The following PDE11A variants were observed in gnomAD, a reference collection of about 807,000 sequenced individuals.
The protein encoded by PDE11A is dual 3',5'-cyclic-AMP and -GMP phosphodiesterase 11A.
PDE11A carries 100 observed loss-of-function variants against 100.5 expected under a neutral mutation model. The observed-to-expected ratio is 1.00, with a 90% CI of 0.85 to 1.18. PDE11A has a LOEUF of 1.18. Ranked by LOEUF, PDE11A falls within the 50% of genes most tolerant of loss-of-function variation. PDE11A has a pLI of 0.00. For synonymous variants in PDE11A, 381 were observed against 420.8 expected (o/e 0.91, Z 1.16); for missense variants, 1,141 against 1,152.6 (o/e 0.99, Z 0.15).
chr2:177,854,855 T>C (rs1282601421), intron 5 of PDE11A, among the ~76,000 whole-genome samples: 1 of 152,102 alleles, frequency 6.6e-6, no homozygotes, highest in Non-Finnish European at 1.5e-5. Flanking sequence ...TCTAAGGTTA[T>C]CTGGATCACT....
chr2:177,662,727 T>C lies in PDE11A; in HGVS notation c.2646+1139A>G, dbSNP rs527425287. Among the ~76,000 whole-genome samples the C allele has an allele frequency of 7.9e-5, 12 of 152,360 alleles. No individual in the cohort carries two copies. The East Asian group carries it at 1.5e-3, about 20-fold the overall frequency. On this transcript the variant is annotated intron_variant, in intron 19 of 19. Transcript: ENST00000286063. ...AGCAGTTGTAGATTATTTTAAAACT[T>C]TACCTGATTTTATGGTATCATGTAT...
At chr2:177,869,409 C>T (rs968901958) in intron 5 of PDE11A, among the ~76,000 whole-genome samples, 1 of 152,188 alleles carries the variant, frequency 6.6e-6, no homozygotes, top group African/African-American at 2.4e-5. Flanking sequence ...GTTTCCTTGA[C>T]ATTTGGCCCT....
chr2:178,066,510 T>C (rs2087046272), intron 1 of PDE11A, among the ~76,000 whole-genome samples: 1 of 152,180 alleles, frequency 6.6e-6, no homozygotes, highest in African/African-American at 2.4e-5. Context: ...TGCCCAGGAC[T>C]GGTTTTTGGC....
chr2:177,678,376 A>G (rs1234542814), intron 16 of PDE11A, among the ~76,000 whole-genome samples: 2 of 152,196 alleles, frequency 1.3e-5, no homozygotes, highest in African/African-American at 4.8e-5. Flanking sequence ...ATTAACTTAC[A>G]TTACGTGTGC....
At chr2:177,654,294 C>G (rs2080349908) in intron 19 of PDE11A, among the ~76,000 whole-genome samples, 1 of 152,134 alleles carries the variant, frequency 6.6e-6, no homozygotes, top group Admixed American at 6.6e-5. Context: ...CCAAGGTGGG[C>G]AGATCACTTT....
chr2:178,072,985 G>A, upstream of PDE11A: 1 of 985,360 alleles, frequency 1.0e-6, no homozygotes, highest in Non-Finnish European at 1.2e-6. Context: ...AACACGATTA[G>A]AAGAGGGAAA....
chr2:177,742,961 C>T (rs1362486785), intron 10 of PDE11A, among the ~76,000 whole-genome samples: 4 of 152,146 alleles, frequency 2.6e-5, no homozygotes, highest in Admixed American at 6.5e-5. Context: ...AGAGCACAAG[C>T]GAAATGATCA....
chr2:177,790,771 A>G (rs1258085413), intron 9 of PDE11A, among the ~76,000 whole-genome samples: 1 of 152,266 alleles, frequency 6.6e-6, no homozygotes, highest in East Asian at 1.9e-4. Context: ...ATGCAGCCAA[A>G]AGACGCATGA....
intron 1 of PDE11A, chr2:178,105,713 G>C: frequency 9.5e-7 from 1 of 1,048,944 alleles, no homozygotes. Context: ...GATGGCATAG[G>C]TCTCACCTGC....
At chr2:177,823,622 C>G (rs1222464784) in intron 6 of PDE11A, among the ~76,000 whole-genome samples, 1 of 152,184 alleles carries the variant, frequency 6.6e-6, no homozygotes, top group Non-Finnish European at 1.5e-5. Flanking sequence ...CAATGGCAAA[C>G]ACATCCATCA....
chr2:177,720,132 C>T (rs955990330), intron 12 of PDE11A, among the ~76,000 whole-genome samples: 1 of 151,940 alleles, frequency 6.6e-6, no homozygotes, highest in East Asian at 1.9e-4. Flanking sequence ...CTTTTTGAGA[C>T]CCTATTTTAT....
chr2:178,050,132 G>T (rs1279490830), intron 1 of PDE11A, among the ~76,000 whole-genome samples: 1 of 152,076 alleles, frequency 6.6e-6, no homozygotes, highest in Non-Finnish European at 1.5e-5. Flanking sequence ...ATACGGCCAG[G>T]TGCCCCTCTG....
At chr2:177,921,000 T>C (rs1289787658) in intron 2 of PDE11A, among the ~76,000 whole-genome samples, 1 of 150,212 alleles carries the variant, frequency 6.7e-6, no homozygotes, top group African/African-American at 2.5e-5. Context: ...AGGCAGAGCT[T>C]GCAGTGAGCC....
chr2:177,798,134 A>G (rs371451065), intron 9 of PDE11A, among the ~76,000 whole-genome samples: 106 of 152,262 alleles, frequency 7.0e-4, no homozygotes, highest in African/African-American at 2.3e-3. Context: ...TTCCTTCTCC[A>G]TGGAGCATTC....
rs1229649282 is a variant in PDE11A, at chr2:177,627,212, T to C, written c.*2195A>G. 6.6e-6 allele frequency: 1 copy of C among 151,738 alleles called. No individual in the cohort carries two copies. Among genetic ancestry groups the C allele is most frequent in the Admixed American group, 6.6e-5 (1 of 15,248 alleles). The allele number at this position is 151,738 out of a possible 1,614,324, so 9.4% of individuals were successfully genotyped here. On this transcript the variant is annotated 3_prime_UTR_variant, in exon 20 of 20. Transcript: ENST00000286063. The stretch of plus-strand genomic sequence containing the variant: ...CCGCGCCTGGCTAATTTGTTTTGTG[T>C]TTTTTAGTAGAGACAGGGTTTCACC...
intron 2 of PDE11A, chr2:177,998,623 G>C: frequency 7.7e-7 from 1 of 1,290,616 alleles, no homozygotes; most frequent in South Asian, 1.2e-5. Flanking sequence ...AAGAATTTCA[G>C]AATAAATTGA....
intron 2 of PDE11A, among the ~76,000 whole-genome samples, chr2:177,977,869 C>A (rs2085830443): frequency 1.2e-5 from 1 of 84,932 alleles, no homozygotes; most frequent in Non-Finnish European, 2.3e-5. Context: ...ACTGGCTAGC[C>A]ATATGTAGAA....
intron 2 of PDE11A, among the ~76,000 whole-genome samples, chr2:178,078,365 A>C (rs2087234348): frequency 6.6e-6 from 1 of 152,180 alleles, no homozygotes; most frequent in African/African-American, 2.4e-5. Flanking sequence ...CGATGCATTT[A>C]ATTCTCCATT....
intron 2 of PDE11A, among the ~76,000 whole-genome samples, chr2:177,934,220 T>A (rs907378519): frequency 6.6e-6 from 1 of 152,050 alleles, no homozygotes; most frequent in African/African-American, 2.4e-5. Flanking sequence ...GGAAAAAACA[T>A]TTGCAAACTA....
Sources: allele counts gnomAD v4.1 joint callset (sites outside exome capture counted in the v4.1 genomes callset), GRCh38; gene constraint gnomAD v4.1.1; transcripts MANE v1.5; gene names NCBI Gene and HGNC (gene_info 2026-07-23, HGNC 2026-07-21).